The following RBFOX1 variants were observed in gnomAD, a reference collection of about 807,000 sequenced individuals.
RBFOX1 encodes the protein RNA binding protein fox-1 homolog 1.
In RBFOX1, 8 loss-of-function variants were observed where a neutral mutation model predicts 57.7. The observed-to-expected ratio is 0.14, with a 90% CI of 0.08 to 0.25. The LOEUF is 0.25. RBFOX1 is among the 10% of genes least tolerant of loss of function. The pLI is 1.00. For missense variants in RBFOX1, 611 were observed against 548.5 expected (o/e 1.11, Z -1.14); for synonymous variants, 326 against 222.4 (o/e 1.47, Z -4.15).
intron 1 of RBFOX1, among the ~76,000 whole-genome samples, chr16:6,288,557 G>A (rs145953015): frequency 6.6e-6 from 1 of 152,236 alleles, no homozygotes; most frequent in East Asian, 1.9e-4. Context: ...CGTCATTTTT[G>A]TTATCTCCAG....
In RBFOX1 at chr16:5,946,099, T is replaced by C. The variant is rs528075879; in HGVS notation, c.351+78764T>C. Reference sequence around the variant, plus strand: ...TTAATTAGTGGACTGACTTACCCGCTATTCTTGTCTTTTTAAAAAAGATTT... The same window carrying C: ...TTAATTAGTGGACTGACTTACCCGCCATTCTTGTCTTTTTAAAAAAGATTT... On this transcript the variant is annotated intron_variant, in intron 4 of 19. Transcript: ENST00000641259. This position sits in a 1 kb window ranked among gnomAD's most constrained non-coding sequence, Gnocchi z 4.6. Among the ~76,000 whole-genome samples the C allele has an allele frequency of 6.6e-6, 1 of 152,296 alleles. No individual in the cohort carries two copies. The highest frequency in any genetic ancestry group is 2.1e-4 in the South Asian group (1 of 4,820).
At chr16:6,849,854 TC>T (rs952817324) in intron 3 of RBFOX1, among the ~76,000 whole-genome samples, 3 of 152,136 alleles carry the variant, frequency 2.0e-5, no homozygotes, top group African/African-American at 7.2e-5. Context: ...GCCTTATTTT[TC>T]TTCCTACCCT....
intron 1 of RBFOX1, among the ~76,000 whole-genome samples, chr16:6,159,389 T>A (rs577459501): frequency 1.1e-4 from 17 of 152,216 alleles, no homozygotes; most frequent in African/African-American, 4.1e-4. Flanking sequence ...TGTCATAGGT[T>A]TTTGGGGGGA....
At chr16:5,554,893 A>G (rs2045611513) in intron 2 of RBFOX1, among the ~76,000 whole-genome samples, 1 of 152,170 alleles carries the variant, frequency 6.6e-6, no homozygotes, top group African/African-American at 2.4e-5. Context: ...CAACCTACAG[A>G]CCTTGAGTGC....
chr16:6,243,831 G>A lies in RBFOX1; in HGVS notation c.-126-73164G>A, dbSNP rs758289743. Among the ~76,000 whole-genome samples, 5 of 152,176 alleles carry A rather than the reference G, an allele frequency of 3.3e-5. No individual in the cohort carries two copies. The South Asian group carries it at 8.3e-4, about 25-fold the overall frequency. On this transcript the variant is annotated intron_variant, in intron 1 of 15. Transcript: ENST00000550418. ...CATGGCTCCAGTGATGGGAGATCCT[G>A]CCTGAGATGAAAGACCATCCAGAGG...
intron 4 of RBFOX1, among the ~76,000 whole-genome samples, chr16:5,885,485 G>C (rs953049378): frequency 6.6e-6 from 1 of 152,122 alleles, no homozygotes; most frequent in Non-Finnish European, 1.5e-5. Context: ...TGCAACCTGT[G>C]CTTAGGGAAT....
chr16:7,670,027 T>G (rs2070854732), intron 13 of RBFOX1, among the ~76,000 whole-genome samples: 1 of 152,198 alleles, frequency 6.6e-6, no homozygotes, highest in Non-Finnish European at 1.5e-5. Context: ...TTTTCTGTTG[T>G]TCCAGAAGAG....
At chr16:6,774,821 C>G (rs1365418274) in intron 3 of RBFOX1, among the ~76,000 whole-genome samples, 1 of 151,944 alleles carries the variant, frequency 6.6e-6, no homozygotes, top group Non-Finnish European at 1.5e-5. Flanking sequence ...TAGCCATGAG[C>G]CGTATGGGCC....
intron 3 of RBFOX1, among the ~76,000 whole-genome samples, chr16:6,668,495 C>G (rs1277254135): frequency 1.3e-5 from 2 of 152,186 alleles, no homozygotes; most frequent in Non-Finnish European, 2.9e-5. Context: ...TAACAAGGCA[C>G]TGGTATTTTC....
At chr16:6,839,131 C>A (rs1375809993) in intron 3 of RBFOX1, among the ~76,000 whole-genome samples, 1 of 146,276 alleles carries the variant, frequency 6.8e-6, no homozygotes, top group Admixed American at 6.8e-5. Flanking sequence ...ATTACAGGCA[C>A]ACACCACCAC....
chr16:5,652,913 A>G (rs2049286613), intron 3 of RBFOX1, among the ~76,000 whole-genome samples: 1 of 152,226 alleles, frequency 6.6e-6, no homozygotes, highest in South Asian at 2.1e-4. Context: ...TGTGGTTGGC[A>G]TCTTACCCTT....
chr16:5,456,848 G>A (rs1195521432), intron 1 of RBFOX1, among the ~76,000 whole-genome samples: 3 of 152,068 alleles, frequency 2.0e-5, no homozygotes, highest in East Asian at 1.9e-4. Flanking sequence ...CTGAGACCCC[G>A]CCTTGCCTCA....
chr16:5,951,773 A>C (rs2059524821), intron 4 of RBFOX1, among the ~76,000 whole-genome samples: 1 of 147,852 alleles, frequency 6.8e-6, no homozygotes, highest in Non-Finnish European at 1.5e-5. Context: ...TAAAGGACAC[A>C]AGGGATAGAT....
At chr16:6,586,503 G>A (rs2097621642) in intron 2 of RBFOX1, among the ~76,000 whole-genome samples, 2 of 151,964 alleles carry the variant, frequency 1.3e-5, no homozygotes, top group Non-Finnish European at 2.9e-5. Flanking sequence ...TGGCCTTAAG[G>A]AAAAAAACAG....
intron 3 of RBFOX1, among the ~76,000 whole-genome samples, chr16:6,900,814 C>T (rs184954093): frequency 2.0e-5 from 3 of 152,170 alleles, no homozygotes; most frequent in Non-Finnish European, 4.4e-5. Flanking sequence ...CCTAATATTC[C>T]ACTTAACATG....
intron 3 of RBFOX1, among the ~76,000 whole-genome samples, chr16:6,671,709 A>T (rs1237379225): frequency 1.3e-5 from 2 of 152,150 alleles, no homozygotes; most frequent in African/African-American, 4.8e-5. Flanking sequence ...GTGAGGACAT[A>T]CGATGTTTGG....
intron 5 of RBFOX1, among the ~76,000 whole-genome samples, chr16:7,578,780 A>G (rs1039486895): frequency 8.5e-5 from 2 of 23,570 alleles, no homozygotes; most frequent in East Asian, 3.8e-4. Flanking sequence ...CTAATTGCAG[A>G]GAAGTATCAA....
intron 1 of RBFOX1, among the ~76,000 whole-genome samples, chr16:5,361,804 A>G (rs2065559733): frequency 6.6e-6 from 1 of 152,250 alleles, no homozygotes; most frequent in Non-Finnish European, 1.5e-5. Flanking sequence ...TTTCACACAC[A>G]GCAAGAAAAG....
intron 4 of RBFOX1, among the ~76,000 whole-genome samples, chr16:7,110,557 A>T (rs1381516098): frequency 6.6e-6 from 1 of 152,208 alleles, no homozygotes; most frequent in Admixed American, 6.5e-5. Context: ...CTTCGAGTAC[A>T]CAGTGGCTAA....
Sources: gnomAD v4.1 joint callset for allele counts (sites outside exome capture counted in the v4.1 genomes callset) on GRCh38, gnomAD v4.1.1 for gene constraint, Gnocchi (gnomAD v3.1) non-coding constraint, MANE v1.5 for transcripts, NCBI Gene and HGNC (gene_info 2026-07-23, HGNC 2026-07-21) for gene names.